The following LAMA2 variants were observed in gnomAD, a reference collection of about 807,000 sequenced individuals.
The protein encoded by LAMA2 is laminin subunit alpha 2.
In LAMA2, 269 loss-of-function variants were observed where a neutral mutation model predicts 364.8. The observed-to-expected ratio is 0.74, with a 90% CI of 0.67 to 0.82. The LOEUF (loss-of-function observed/expected upper bound fraction) is 0.82. Ranked by LOEUF, LAMA2 falls within the 40% of genes least tolerant of loss-of-function variation. The pLI is 0.00. For missense variants in LAMA2, 3,807 were observed against 3,873.2 expected (o/e 0.98, Z 0.45); for synonymous variants, 1,379 against 1,370.6 (o/e 1.01, Z -0.14).
chr6:129,425,950 G>A (rs1223441432), intron 40 of LAMA2, among the ~76,000 whole-genome samples: 1 of 152,112 alleles, frequency 6.6e-6, no homozygotes, highest in Non-Finnish European at 1.5e-5. Context: ...TTAAATGCTT[G>A]TCAGATTACA....
At chr6:129,337,762 T>G (rs1031324560) in intron 29 of LAMA2, among the ~76,000 whole-genome samples, 1 of 152,158 alleles carries the variant, frequency 6.6e-6, no homozygotes, top group African/African-American at 2.4e-5. Flanking sequence ...TCTAATATAT[T>G]CTGATGTATT....
At chr6:129,153,158 G>T (rs1778914148) in intron 7 of LAMA2, among the ~76,000 whole-genome samples, 1 of 152,118 alleles carries the variant, frequency 6.6e-6, no homozygotes, top group Non-Finnish European at 1.5e-5. Context: ...TCACTTCTTG[G>T]AATTCTTCTA....
intron 1 of LAMA2, among the ~76,000 whole-genome samples, chr6:128,918,833 G>T (rs565349228): frequency 6.6e-6 from 1 of 152,062 alleles, no homozygotes; most frequent in Non-Finnish European, 1.5e-5. Flanking sequence ...GTAGTTCGAG[G>T]TTCAGCCTTC....
At position 128,893,223 on chromosome 6, in the gene LAMA2, G is replaced by T. The variant is rs528686776; in HGVS notation, c.112+9866G>T. Among the ~76,000 whole-genome samples, 8 of 151,786 alleles carry T rather than the reference G, an allele frequency of 5.3e-5. No homozygotes were observed. The South Asian group carries it at 1.2e-3, about 24-fold the overall frequency. On this transcript the variant is annotated intron_variant, in intron 1 of 64. Transcript: ENST00000421865. ...TGTAATGTTCGAATCTATTTCATGGGGTTGTTATAAGGGTTAAATAAGGCA... is the reference window on the plus strand; with the variant it reads ...TGTAATGTTCGAATCTATTTCATGGTGTTGTTATAAGGGTTAAATAAGGCA...
intron 1 of LAMA2, among the ~76,000 whole-genome samples, chr6:129,044,842 A>G (rs1787361567): frequency 6.6e-6 from 1 of 152,148 alleles, no homozygotes; most frequent in Non-Finnish European, 1.5e-5. Flanking sequence ...CTAAAGGTTC[A>G]TCAGCTATTT....
rs534841713 is a variant in LAMA2 at position 129,514,255 on chromosome 6, C to T, written c.8989-118C>T. On this transcript the variant is annotated intron_variant, in intron 63 of 64. Coordinates refer to ENST00000421865, the MANE Select transcript of LAMA2 (RefSeq NM_000426.4). ...TTTTTTTCAATATGCCCAGTTACAT[C>T]CATTTCAAATGATTCTGGCTGATGT... 1.4e-5 allele frequency: 11 copies of T among 806,138 alleles called. No homozygotes were observed. In the Admixed American group the frequency reaches 2.0e-4, roughly 15 times the overall value. 49.9% of individuals were successfully genotyped at this position (806,138 alleles called of 1,614,324 possible).
At chr6:129,477,063 C>T (rs1381565603) in intron 53 of LAMA2, among the ~76,000 whole-genome samples, 1 of 152,128 alleles carries the variant, frequency 6.6e-6, no homozygotes, top group Non-Finnish European at 1.5e-5. Context: ...CTATCAACTA[C>T]AATATATTGA....
intron 6 of LAMA2, among the ~76,000 whole-genome samples, chr6:129,147,979 G>C (rs1479167082): frequency 6.6e-6 from 1 of 151,862 alleles, no homozygotes; most frequent in Non-Finnish European, 1.5e-5. Flanking sequence ...ACAACATGCA[G>C]GTTTGTTACA....
chr6:128,931,002 A>T (rs1041285789), intron 1 of LAMA2, among the ~76,000 whole-genome samples: 15 of 152,168 alleles, frequency 9.9e-5, no homozygotes, highest in African/African-American at 3.1e-4. Context: ...TTCAAATGCC[A>T]GTATCTCTAT....
At chr6:129,086,039 T>C (rs373326517) in intron 3 of LAMA2, among the ~76,000 whole-genome samples, 1 of 152,228 alleles carries the variant, frequency 6.6e-6, no homozygotes, top group Non-Finnish European at 1.5e-5. Context: ...TCACACTTCA[T>C]TGGCAATTGA....
rs376244739 is a variant in LAMA2, at chr6:129,137,300, G to A, written c.640-6601G>A. Among the ~76,000 whole-genome samples, 4 of 151,536 alleles carry A rather than the reference G, an allele frequency of 2.6e-5. No homozygotes were observed. The South Asian group carries it at 8.3e-4, about 32-fold the overall frequency. On this transcript the variant is annotated intron_variant, in intron 4 of 64. Transcript: ENST00000421865. The stretch of plus-strand genomic sequence containing the variant: ...ATTAAAGACCTTCCAAACTAATTCA[G>A]TGCCCTACATGCTGCATGAAAATGA...
At chr6:129,082,758 C>T (rs1264510258) in intron 3 of LAMA2, among the ~76,000 whole-genome samples, 1 of 152,026 alleles carries the variant, frequency 6.6e-6, no homozygotes, top group Non-Finnish European at 1.5e-5. Context: ...TCGTGAACTA[C>T]ATGCTTATAT....
chr6:129,130,816 C>T (rs1007608852), intron 4 of LAMA2, among the ~76,000 whole-genome samples: 4 of 152,008 alleles, frequency 2.6e-5, no homozygotes, highest in African/African-American at 7.3e-5. Context: ...TAAACTATCT[C>T]TATAAAGAGA....
Position 129,342,555 on chromosome 6 carries a change from A to G in LAMA2, c.4436+88A>G, listed in dbSNP as rs1776328059. 1.4e-5 allele frequency: 19 copies of G among 1,314,704 alleles called. No individual in the cohort carries two copies. The South Asian group carries it at 2.0e-4, about 14-fold the overall frequency. 81.4% of individuals were successfully genotyped at this position (1,314,704 alleles called of 1,614,324 possible). A position where few individuals can be genotyped will look rare whatever the true frequency, so the allele number is the denominator to read the frequency against. On this transcript the variant is annotated intron_variant, in intron 30 of 64. Coordinates refer to ENST00000421865, the MANE Select transcript of LAMA2 (RefSeq NM_000426.4). ...TGTCTATGATTTGGCTATTTTTTCC[A>G]TGTAGACAAAAATCTCAATTTAAGA...
At chr6:129,110,622 AT>A (rs1776104396) in intron 4 of LAMA2, among the ~76,000 whole-genome samples, 5 of 152,068 alleles carry the variant, frequency 3.3e-5, no homozygotes, top group African/African-American at 9.7e-5. Flanking sequence ...AGCCTTGGAG[AT>A]GCTTCAAGCC....
chr6:129,050,027 T>C lies in LAMA2; in HGVS notation c.222T>C (p.Pro74=), dbSNP rs1175291809. ...EMYCKLVEHV[P]GQPVRNPQCR... ...ACTGCAAATTGGTAGAACATGTCCCTGGGCAGCCTGTGAGGAACCCGCAGT... is the reference window on the plus strand; with the variant it reads ...ACTGCAAATTGGTAGAACATGTCCCCGGGCAGCCTGTGAGGAACCCGCAGT... Residue 74 remains proline (P), a synonymous_variant, in exon 2 of 65, where the codon CCT becomes CCC. Transcript: ENST00000421865. The C allele has an allele frequency of 6.2e-7, 1 of 1,614,156 alleles. No homozygotes were observed. The highest frequency in any genetic ancestry group is 8.5e-7 in the Non-Finnish European group (1 of 1,180,020).
At chr6:129,486,394 G>A in intron 55 of LAMA2, 80 bp from the exon 56 acceptor site, 1 of 1,394,264 alleles carries the variant, frequency 7.2e-7, no homozygotes, top group Non-Finnish European at 1.0e-6. Flanking sequence ...AGACGAACCT[G>A]TGGTTCTGCC....
At chr6:129,491,874 A>T in intron 56 of LAMA2, 27 bp from the exon 57 acceptor site, 1 of 1,527,530 alleles carries the variant, frequency 6.5e-7, no homozygotes, top group Admixed American at 1.7e-5. Flanking sequence ...TGTGACTTAT[A>T]CTTGTTTATT....
At chr6:129,060,889 A>G (rs574862879) in intron 3 of LAMA2, among the ~76,000 whole-genome samples, 374 of 152,284 alleles carry the variant, frequency 2.5e-3, no homozygotes, top group African/African-American at 8.0e-3. Context: ...TTCCACCCAT[A>G]TGGGCCTCCT....
Sources: allele counts gnomAD v4.1 joint callset (sites outside exome capture counted in the v4.1 genomes callset), GRCh38; gene constraint gnomAD v4.1.1; transcripts MANE v1.5; gene names NCBI Gene and HGNC (gene_info 2026-07-23, HGNC 2026-07-21).